Variants in RNGTT observed in about 807,000 individuals in gnomAD.
RNGTT encodes RNA guanylyltransferase and 5'-phosphatase.
Under a neutral mutation model 79.3 loss-of-function variants are expected in RNGTT, and 33 were observed. The observed-to-expected ratio is 0.42, with a 90% CI of 0.32 to 0.56. RNGTT has a LOEUF of 0.56. Ranked by LOEUF, RNGTT falls within the 20% of genes least tolerant of loss-of-function variation. RNGTT has a pLI of 0.17. For missense variants in RNGTT, 497 were observed against 739.1 expected (o/e 0.67, Z 3.80); for synonymous variants, 222 against 235.9 (o/e 0.94, Z 0.54).
intron 14 of RNGTT, among the ~76,000 whole-genome samples, chr6:88,653,777 A>C (rs1363030881): frequency 1.3e-5 from 2 of 152,210 alleles, no homozygotes; most frequent in African/African-American, 4.8e-5. Flanking sequence ...TTCAATTATA[A>C]TGTTAAGAAA....
chr6:88,948,877 G>C, intron 1 of RNGTT, among the ~76,000 whole-genome samples: 2 of 88,512 alleles, frequency 2.3e-5, no homozygotes. Context: ...TAAGGGCGGT[G>C]CAAGATGTGC....
At chr6:88,732,112 G>T (rs932459937) in intron 13 of RNGTT, among the ~76,000 whole-genome samples, 3 of 152,052 alleles carry the variant, frequency 2.0e-5, no homozygotes, top group Non-Finnish European at 4.4e-5. Context: ...GAAAATCCAA[G>T]TTAAGTAGAC....
At chr6:88,893,842 C>CACAT (rs1783134246) in intron 6 of RNGTT, among the ~76,000 whole-genome samples, 1 of 152,098 alleles carries the variant, frequency 6.6e-6, no homozygotes, top group African/African-American at 2.4e-5. Context: ...ACTTCATACA[C>CACAT]AAATCATCCT....
intron 13 of RNGTT, among the ~76,000 whole-genome samples, chr6:88,690,794 AACACACATTATCTCCTAAG>A (rs1163851804): frequency 6.6e-6 from 1 of 152,174 alleles, no homozygotes; most frequent in African/African-American, 2.4e-5. Flanking sequence ...TGAAATTTAT[AACACACATTATCTCCTAAG>A]TTGAACATAT....
At chr6:88,678,643 G>C (rs1050515958) in intron 13 of RNGTT, among the ~76,000 whole-genome samples, 2 of 152,086 alleles carry the variant, frequency 1.3e-5, no homozygotes, top group Admixed American at 6.6e-5. Flanking sequence ...TGGGAGCCAA[G>C]TGTGGTTGTG....
At position 88,844,450 on chromosome 6, in the gene RNGTT, T is replaced by A; in HGVS notation, c.1176A>T (p.Arg392=). The change falls in exon 11 of 16, where the codon CGA becomes CGT. Residue 392 remains arginine (R), a synonymous_variant. Coordinates refer to ENST00000369485, the MANE Select transcript of RNGTT (RefSeq NM_003800.5). ...QCIEREIISP[R]HEKMKTGLID... is the part of the protein sequence containing the mutation. ...TGAGCCCAGTCTTCATTTTTTCGTG[T>A]CGAGGACTTATAATTTCTCGTTCTA... is the stretch of plus-strand genomic sequence containing the variant. 6.2e-7 allele frequency: 1 copy of A among 1,614,102 alleles called. No individual in the cohort carries two copies. Among genetic ancestry groups the A allele is most frequent in the Non-Finnish European group, 8.5e-7 (1 of 1,179,964 alleles).
At chr6:88,686,115 T>C (rs981092069) in intron 13 of RNGTT, among the ~76,000 whole-genome samples, 2 of 144,852 alleles carry the variant, frequency 1.4e-5, no homozygotes, top group African/African-American at 2.6e-5. Context: ...TAGAGAAAAA[T>C]AGCAGTTGTA....
At chr6:88,779,578 C>A (rs1055039358) in intron 12 of RNGTT, among the ~76,000 whole-genome samples, 2 of 152,114 alleles carry the variant, frequency 1.3e-5, no homozygotes, top group Non-Finnish European at 2.9e-5. Flanking sequence ...AGCAATAATT[C>A]AGAAACTTAA....
At chr6:88,639,536 C>CA (rs1432945091) in intron 14 of RNGTT, among the ~76,000 whole-genome samples, 2 of 152,138 alleles carry the variant, frequency 1.3e-5, no homozygotes, top group Admixed American at 6.6e-5. Flanking sequence ...ACACCACTCC[C>CA]AAATAAAAAG....
chr6:88,947,292 C>A (rs1295619119), intron 1 of RNGTT, among the ~76,000 whole-genome samples: 1 of 41,722 alleles, frequency 2.4e-5, no homozygotes, highest in Admixed American at 2.0e-4. Flanking sequence ...GCCTCTGCCC[C>A]GCCGCCCCAT....
At chr6:88,759,340 CG>C (rs1045774406) in intron 13 of RNGTT, among the ~76,000 whole-genome samples, 1 of 152,080 alleles carries the variant, frequency 6.6e-6, no homozygotes, top group Non-Finnish European at 1.5e-5. Flanking sequence ...CCTCCCTACC[CG>C]GCTCTAGAAT....
At chr6:88,772,001 GA>G (rs1778699958) in intron 12 of RNGTT, among the ~76,000 whole-genome samples, 1 of 151,960 alleles carries the variant, frequency 6.6e-6, no homozygotes, top group Non-Finnish European at 1.5e-5. Flanking sequence ...AAGAAAGCAA[GA>G]CCTTATCTCT....
chr6:88,887,029 A>C (rs917560257), intron 8 of RNGTT, among the ~76,000 whole-genome samples: 5 of 146,494 alleles, frequency 3.4e-5, no homozygotes, highest in African/African-American at 1.0e-4. Context: ...TGAGCAACAT[A>C]GCAAAACACA....
At chr6:88,771,063 T>C (rs1778640253) in intron 12 of RNGTT, among the ~76,000 whole-genome samples, 1 of 151,946 alleles carries the variant, frequency 6.6e-6, no homozygotes, top group South Asian at 2.1e-4. Flanking sequence ...TTTTTCATTT[T>C]CTAAATAATT....
chr6:88,618,132 ATC>A (rs1249126148), intron 14 of RNGTT, among the ~76,000 whole-genome samples: 1 of 152,198 alleles, frequency 6.6e-6, no homozygotes, highest in East Asian at 1.9e-4. Flanking sequence ...ACTATTAACT[ATC>A]TGTGTATCTC....
chr6:88,826,799 A>AAT lies in RNGTT; in HGVS notation c.1269+17556_1269+17557dup, dbSNP rs1216141788. Among the ~76,000 whole-genome samples, 200 of 126,906 alleles carry AAT rather than the reference A, an allele frequency of 1.6e-3. 2 individuals carry two copies. The highest frequency in any genetic ancestry group is 4.7e-3 in the African/African-American group (153 of 32,328). The allele number at this position is 126,906 out of a possible 152,430, so 83.3% of individuals were successfully genotyped here. ...ACCCTGTCTCAAAAGAAAAAAAAAAAATATATATATATATATATGTGTGTG... is the reference window on the plus strand; with the variant it reads ...ACCCTGTCTCAAAAGAAAAAAAAAAAATATATATATATATATATATGTGTGTG... On this transcript the variant is annotated intron_variant, in intron 11 of 15. Coordinates refer to ENST00000369485, the MANE Select transcript of RNGTT (RefSeq NM_003800.5).
chr6:88,816,942 T>G (rs1562267353), intron 11 of RNGTT, among the ~76,000 whole-genome samples: 1 of 152,266 alleles, frequency 6.6e-6, no homozygotes, highest in East Asian at 1.9e-4. Flanking sequence ...AACAATAATA[T>G]GGAGACCTAA....
intron 1 of RNGTT, among the ~76,000 whole-genome samples, chr6:88,950,335 A>G (rs970154671): frequency 3.3e-5 from 5 of 152,174 alleles, no homozygotes; most frequent in African/African-American, 7.2e-5. Context: ...GATAGTTTCA[A>G]TTTTCAAGTC....
intron 12 of RNGTT, among the ~76,000 whole-genome samples, chr6:88,787,789 T>C (rs748239397): frequency 3.3e-5 from 5 of 152,090 alleles, no homozygotes; most frequent in Non-Finnish European, 7.4e-5. Context: ...ATTAGAGTAG[T>C]AGCAGTGACA....
Sources: allele counts gnomAD v4.1 joint callset (sites outside exome capture counted in the v4.1 genomes callset), GRCh38; gene constraint gnomAD v4.1.1; transcripts MANE v1.5; gene names NCBI Gene and HGNC (gene_info 2026-07-23, HGNC 2026-07-21).